Variants in UPRT observed in about 807,000 individuals in gnomAD.
The protein encoded by UPRT is RP11-311P8.3.
Under a neutral mutation model 22.6 loss-of-function variants are expected in UPRT, and 5 were observed. That is an observed-to-expected ratio of 0.22 (90% confidence interval 0.12 to 0.47). UPRT has a LOEUF of 0.47. Ranked by LOEUF, UPRT falls within the 20% of genes least tolerant of loss-of-function variation. The probability of loss-of-function intolerance (pLI) is 0.99; values close to 1 mark genes in which losing one functional copy is unlikely to be tolerated. For missense variants in UPRT, 181 were observed against 239.9 expected (o/e 0.75, Z 1.62); for synonymous variants, 77 against 87.7 (o/e 0.88, Z 0.68).
chrX:75,218,822 G>A (rs1237848282), intron 4 of UPRT, among the ~76,000 whole-genome samples: 1 of 109,206 alleles, frequency 9.2e-6, no homozygotes, highest in East Asian at 2.9e-4. Flanking sequence ...CTCACTGATA[G>A]GTGGGAATTG....
At chrX:75,188,550 C>A (rs1186251546) in intron 4 of UPRT, among the ~76,000 whole-genome samples, 1 of 112,863 alleles carries the variant, frequency 8.9e-6, no homozygotes, top group Non-Finnish European at 1.9e-5. Context: ...GTGGGCTCCA[C>A]CCAGTTTGAG....
intron 4 of UPRT, among the ~76,000 whole-genome samples, chrX:75,208,628 G>T (rs2082372682): frequency 1.8e-5 from 2 of 111,800 alleles, no homozygotes; most frequent in Admixed American, 1.9e-4. Context: ...ACAACTCAGA[G>T]ATCCTGGATA....
intron 4 of UPRT, among the ~76,000 whole-genome samples, chrX:75,177,279 C>G (rs988620110): frequency 9.2e-6 from 1 of 109,249 alleles, no homozygotes; most frequent in Non-Finnish European, 1.9e-5. Context: ...GGTCCCTGGA[C>G]CCTGCTGATC....
At position 75,219,200 on chromosome X, in the gene UPRT, T is replaced by A. The variant is rs1394046115; in HGVS notation, c.-447+51321T>A. ...TCATTTCATTTGCCTCTGAATGGAG[T>A]TCAATTTAATTCATGATCAATAAGT... On this transcript the variant is annotated intron_variant, in intron 4 of 13. Coordinates refer to the UPRT transcript ENST00000652605. 8.1e-5 allele frequency among the ~76,000 whole-genome samples: 9 copies of A among 111,631 alleles called. No homozygotes were observed. The Admixed American group carries it at 8.6e-4, about 11-fold the overall frequency.
intron 4 of UPRT, among the ~76,000 whole-genome samples, chrX:75,193,402 T>A (rs1401020941): frequency 2.7e-5 from 3 of 111,899 alleles, no homozygotes; most frequent in Admixed American, 9.5e-5. Flanking sequence ...TAACATTTTT[T>A]CTTTCATTTT....
chrX:75,212,144 G>A (rs1267487086), intron 4 of UPRT, among the ~76,000 whole-genome samples: 1 of 112,006 alleles, frequency 8.9e-6, no homozygotes, highest in Non-Finnish European at 1.9e-5. Flanking sequence ...CTGCAAAATG[G>A]CAGGCGGCTT....
intron 4 of UPRT, among the ~76,000 whole-genome samples, chrX:75,241,182 A>C (rs1265659432): frequency 1.8e-5 from 2 of 111,607 alleles, no homozygotes; most frequent in Admixed American, 1.9e-4. Flanking sequence ...GCATCCAACA[A>C]AGGACTAATA....
At chrX:75,246,255 T>TC (rs1259962051) in intron 4 of UPRT, among the ~76,000 whole-genome samples, 2 of 56,727 alleles carry the variant, frequency 3.5e-5, no homozygotes, top group African/African-American at 1.4e-4. Context: ...CCCTCCCCCC[T>TC]CCCCCCACCC....
chrX:75,237,498 T>C (rs1488032902), intron 4 of UPRT, among the ~76,000 whole-genome samples: 2 of 110,448 alleles, frequency 1.8e-5, no homozygotes, highest in Non-Finnish European at 3.8e-5. Flanking sequence ...CACATGCACA[T>C]GTATGTTTAT....
At chrX:75,225,323 C>CCACA (rs57493246) in intron 4 of UPRT, among the ~76,000 whole-genome samples, 41,799 of 81,629 alleles carry the variant, frequency 0.51, 9,859 homozygotes, top group Non-Finnish European at 0.63. Flanking sequence ...AAACCAAAAA[C>CCACA]CACACACACA....
chrX:75,256,593 C>G (rs1335357500), intron 4 of UPRT, among the ~76,000 whole-genome samples: 1 of 110,021 alleles, frequency 9.1e-6, no homozygotes, highest in Non-Finnish European at 1.9e-5. Flanking sequence ...GGTTCTTTGA[C>G]AAGATAAATA....
chrX:75,251,896 G>T (rs1311906399), intron 4 of UPRT, among the ~76,000 whole-genome samples: 3 of 110,167 alleles, frequency 2.7e-5, no homozygotes, highest in African/African-American at 6.6e-5. Context: ...AGAGCCCTCA[G>T]AAATAATGCC....
chrX:75,203,378 G>A (rs2147624043), intron 4 of UPRT, among the ~76,000 whole-genome samples: 1 of 110,347 alleles, frequency 9.1e-6, no homozygotes, highest in East Asian at 2.8e-4. Context: ...GTCAATATTA[G>A]ACAGATCAAT....
At chrX:75,190,648 C>G (rs967427545) in intron 4 of UPRT, among the ~76,000 whole-genome samples, 4 of 111,997 alleles carry the variant, frequency 3.6e-5, no homozygotes, top group Admixed American at 9.5e-5. Context: ...TTCACATAGT[C>G]CCATATTTCT....
chrX:75,195,314 T>C (rs1200073199), intron 4 of UPRT, among the ~76,000 whole-genome samples: 3 of 112,517 alleles, frequency 2.7e-5, no homozygotes, highest in Non-Finnish European at 5.6e-5. Context: ...GTGGCCAGGC[T>C]GGGGCCCCAG....
intron 1 of UPRT, among the ~76,000 whole-genome samples, chrX:75,286,279 A>G (rs992959244): frequency 1.3e-5 from 1 of 79,744 alleles, no homozygotes; most frequent in African/African-American, 5.2e-5. Flanking sequence ...TAAATATTTC[A>G]TGGGATTTCT....
chrX:75,157,595 A>G (rs2082186087), intron 1 of UPRT, among the ~76,000 whole-genome samples: 1 of 112,057 alleles, frequency 8.9e-6, no homozygotes, highest in Admixed American at 9.5e-5. Context: ...TCCTATAACC[A>G]GTGAAGAGTT....
At chrX:75,300,559 G>A (rs1377749795) in intron 5 of UPRT, among the ~76,000 whole-genome samples, 3 of 111,789 alleles carry the variant, frequency 2.7e-5, no homozygotes, top group Non-Finnish European at 5.6e-5. Flanking sequence ...GGTCGAGGTG[G>A]AAGGATCGCT....
chrX:75,268,770 G>A (rs1249338296), intron 4 of UPRT, among the ~76,000 whole-genome samples: 1 of 111,515 alleles, frequency 9.0e-6, no homozygotes, highest in African/African-American at 3.3e-5. Context: ...AATATAATAA[G>A]AGCTATTTAT....
Sources: allele counts gnomAD v4.1 joint callset (sites outside exome capture counted in the v4.1 genomes callset), GRCh38; gene constraint gnomAD v4.1.1; transcripts MANE v1.5; gene names NCBI Gene and HGNC (gene_info 2026-07-23, HGNC 2026-07-21).